NEMP2: variants seen among roughly 807,000 people sequenced by gnomAD.
NEMP2 encodes the protein UPF0571 transmembrane protein.
NEMP2 carries 53 observed loss-of-function variants against 54.2 expected under a neutral mutation model. That is an observed-to-expected ratio of 0.98 (90% CI 0.78 to 1.23). NEMP2 has a LOEUF of 1.23. Among genes scored for constraint, NEMP2 ranks in the 50% most tolerant of loss-of-function variants. The pLI is 0.00. For synonymous variants in NEMP2, 197 were observed against 190.3 expected, an observed-to-expected ratio of 1.04 and a Z score of -0.29; for missense variants, 455 against 511.3, an observed-to-expected ratio of 0.89 and a Z score of 1.06.
intron 4 of NEMP2, 21 bp downstream of exon 4, chr2:190,518,715 A>T (rs1421362380): frequency 6.7e-7 from 1 of 1,498,454 alleles, no homozygotes; most frequent in Admixed American, 2.5e-5. Context: ...CAAAGTTAAA[A>T]ATATAAAAAG....
chr2:190,534,632 C>T lies in NEMP2; in HGVS notation c.24G>A (p.Trp8Ter). The change falls in exon 1 of 9, where the codon TGG becomes TGA. Residue 8 changes from tryptophan (W) to a stop codon, truncating the protein, a stop_gained. Transcript: ENST00000409150. LOFTEE classifies it high-confidence loss of function. MGPRQGR[W>*]WLLLWLPPLA... ...GGGGCGGCAGCCAGAGCAGCAGCCA[C>T]CACCGCCCTTGGCGCGGCCCCATTT... The T allele has an allele frequency of 1.5e-6, 2 of 1,353,426 alleles. No homozygotes were observed. The highest frequency in any genetic ancestry group is 2.2e-4 in the Middle Eastern group (1 of 4,522). The allele number at this position is 1,353,426 out of a possible 1,614,324, so 83.8% of individuals were successfully genotyped here. A position where few individuals can be genotyped will look rare whatever the true frequency, so the allele number is the denominator to read the frequency against.
At chr2:190,647,960 C>T in the NEMP2 span, among the ~76,000 whole-genome samples, 1 of 152,116 alleles carries the variant, frequency 6.6e-6, no homozygotes, top group African/African-American at 2.4e-5. Flanking sequence ...GTGATCCGCC[C>T]GCCTCGGCCT....
the NEMP2 span, among the ~76,000 whole-genome samples, chr2:190,606,186 C>G: frequency 1.3e-5 from 2 of 152,064 alleles, no homozygotes; most frequent in Non-Finnish European, 2.9e-5. Context: ...TTCTAACTTC[C>G]TTTTTCCTAC....
the NEMP2 span, among the ~76,000 whole-genome samples, chr2:190,642,446 T>C: frequency 1.3e-5 from 2 of 152,202 alleles, no homozygotes; most frequent in Admixed American, 6.5e-5. The surrounding 1 kb of genome is among the most constrained non-coding windows in gnomAD (Gnocchi z 4.1). Context: ...AAAGGTTTGC[T>C]TATTTTTCAG....
At chr2:190,427,092 G>C in the NEMP2 span, among the ~76,000 whole-genome samples, 1 of 152,218 alleles carries the variant, frequency 6.6e-6, no homozygotes, top group Admixed American at 6.5e-5. Context: ...GCTGGCCAGT[G>C]GTGAAAGTCC....
At chr2:190,578,562 G>A in the NEMP2 span, among the ~76,000 whole-genome samples, 1 of 152,078 alleles carries the variant, frequency 6.6e-6, no homozygotes, top group Non-Finnish European at 1.5e-5. The surrounding 1 kb of genome is among the most constrained non-coding windows in gnomAD (Gnocchi z 4.4). Flanking sequence ...AGGAAGTGTG[G>A]GGTAGTATAT....
the NEMP2 span, among the ~76,000 whole-genome samples, chr2:190,477,895 AG>A: frequency 2.9e-3 from 442 of 152,310 alleles, 1 homozygote; most frequent in Non-Finnish European, 5.1e-3. Flanking sequence ...TAGATTCTGA[AG>A]GGCGAATAGG....
At chr2:190,590,850 A>G in the NEMP2 span, among the ~76,000 whole-genome samples, 1 of 152,206 alleles carries the variant, frequency 6.6e-6, no homozygotes, top group Non-Finnish European at 1.5e-5. The surrounding 1 kb of genome is among the most constrained non-coding windows in gnomAD (Gnocchi z 5.1). Flanking sequence ...GAATTCATAA[A>G]ACTATGGCAG....
chr2:190,643,725 G>C, the NEMP2 span, among the ~76,000 whole-genome samples: 1 of 152,106 alleles, frequency 6.6e-6, no homozygotes, highest in Non-Finnish European at 1.5e-5. Context: ...CCAGGAGTTC[G>C]AGACCAGTCT....
the NEMP2 span, among the ~76,000 whole-genome samples, chr2:190,598,734 G>A: frequency 7.4e-3 from 1,132 of 152,342 alleles, 14 homozygotes; most frequent in South Asian, 0.013. Context: ...CTAGATCCAT[G>A]TTGCCATGTT....
At chr2:190,631,853 C>T in the NEMP2 span, among the ~76,000 whole-genome samples, 1 of 152,052 alleles carries the variant, frequency 6.6e-6, no homozygotes, top group African/African-American at 2.4e-5. Flanking sequence ...TCCAGGAGTT[C>T]GAGACCAGCC....
chr2:190,448,578 T>C, the NEMP2 span, among the ~76,000 whole-genome samples: 3 of 152,278 alleles, frequency 2.0e-5, no homozygotes, highest in African/African-American at 7.2e-5. Flanking sequence ...AATACACAAT[T>C]CAGTACAGTT....
At chr2:190,436,773 C>T in the NEMP2 span, 1 of 1,614,174 alleles carries the variant, frequency 6.2e-7, no homozygotes, top group South Asian at 1.1e-5. The surrounding 1 kb of genome is among the most constrained non-coding windows in gnomAD (Gnocchi z 5.3). Context: ...GCACAGCAAC[C>T]CCTGTCTCCC....
At chr2:190,427,223 T>C in the NEMP2 span, among the ~76,000 whole-genome samples, 2 of 152,238 alleles carry the variant, frequency 1.3e-5, no homozygotes, top group African/African-American at 4.8e-5. Flanking sequence ...TGTGGCCTCA[T>C]TACTGCCTAG....
the NEMP2 span, among the ~76,000 whole-genome samples, chr2:190,462,857 C>T: frequency 6.6e-6 from 1 of 152,208 alleles, no homozygotes; most frequent in African/African-American, 2.4e-5. The surrounding 1 kb of genome is among the most constrained non-coding windows in gnomAD (Gnocchi z 5.7). Flanking sequence ...GCCTGTTGCT[C>T]AGGTCACTGA....
At chr2:190,637,316 CTT>C in the NEMP2 span, among the ~76,000 whole-genome samples, 1 of 152,164 alleles carries the variant, frequency 6.6e-6, no homozygotes, top group African/African-American at 2.4e-5. This position sits in a 1 kb window ranked among gnomAD's most constrained non-coding sequence, Gnocchi z 4.5. Flanking sequence ...TCATTTCTCT[CTT>C]CTCTTAGTTG....
chr2:190,575,514 T>C, the NEMP2 span, among the ~76,000 whole-genome samples: 1 of 152,344 alleles, frequency 6.6e-6, no homozygotes, highest in East Asian at 1.9e-4. Context: ...AGCTTGTTAG[T>C]ACTTCTGATA....
the NEMP2 span, chr2:190,610,008 T>C: frequency 1.3e-5 from 2 of 152,118 alleles, no homozygotes; most frequent in Middle Eastern, 3.2e-3. This position sits in a 1 kb window ranked among gnomAD's most constrained non-coding sequence, Gnocchi z 5.4. Flanking sequence ...TGATTTCCAA[T>C]TAGGAAGAAT....
chr2:190,434,532 T>C, the NEMP2 span, among the ~76,000 whole-genome samples: 1 of 152,242 alleles, frequency 6.6e-6, no homozygotes, highest in East Asian at 1.9e-4. The surrounding 1 kb of genome is among the most constrained non-coding windows in gnomAD (Gnocchi z 4.3). Flanking sequence ...GCCTCCTGGG[T>C]TCGAGCAATT....
Sources: gnomAD v4.1 joint callset for allele counts (sites outside exome capture counted in the v4.1 genomes callset) on GRCh38, gnomAD v4.1.1 for gene constraint, Gnocchi (gnomAD v3.1) non-coding constraint, MANE v1.5 for transcripts, NCBI Gene and HGNC (gene_info 2026-07-23, HGNC 2026-07-21) for gene names.